Variants in PLD5 observed in about 807,000 individuals in gnomAD.
The protein encoded by PLD5 is inactive phospholipase D5.
PLD5 carries 36 observed loss-of-function variants against 61.1 expected under a neutral mutation model. That is an observed-to-expected ratio of 0.59 (90% CI 0.45 to 0.78). The LOEUF is 0.78. Among genes scored for constraint, PLD5 ranks in the 30% least tolerant of loss-of-function variants. The pLI, the probability that PLD5 is intolerant of heterozygous loss-of-function variation, is 0.00. For missense variants in PLD5, 515 were observed against 644.4 expected, an observed-to-expected ratio of 0.80 and a Z score of 2.17; for synonymous variants, 243 against 242.8, an observed-to-expected ratio of 1.00 and a Z score of -0.01.
At chr1:242,400,234 C>T (rs189366060) in intron 1 of PLD5, among the ~76,000 whole-genome samples, 74 of 150,814 alleles carry the variant, frequency 4.9e-4, no homozygotes, top group African/African-American at 1.6e-3. Flanking sequence ...ACAGTTTCAT[C>T]CCCAAACCAT....
intron 1 of PLD5, among the ~76,000 whole-genome samples, chr1:242,419,572 A>ATTTTT (rs767869905): frequency 0.12 from 11,289 of 96,974 alleles, 1,224 homozygotes; most frequent in African/African-American, 0.22. Flanking sequence ...AATTTTTTGC[A>ATTTTT]TTTTTTTTTT....
At chr1:242,397,046 T>C (rs1282076277) in intron 1 of PLD5, among the ~76,000 whole-genome samples, 1 of 152,146 alleles carries the variant, frequency 6.6e-6, no homozygotes, top group African/African-American at 2.4e-5. Flanking sequence ...CTCTTTTATA[T>C]AGCTACATGT....
At chr1:242,153,739 T>C (rs1306945312) in intron 5 of PLD5, among the ~76,000 whole-genome samples, 6 of 152,174 alleles carry the variant, frequency 3.9e-5, no homozygotes, top group Non-Finnish European at 7.4e-5. Context: ...AGTACCATGC[T>C]GTTTTGGTTA....
rs1016964113 is a variant in PLD5 at position 242,295,107 on chromosome 1, G to GT, written c.327-6578dup. ...TTCACACTCAAAGTCAAGTGATGGG[G>GT]TTTTTTTACCCTTACTGTGGTCATA... On this transcript the variant is annotated intron_variant, in intron 2 of 9. Transcript: ENST00000536534. 8.6e-4 allele frequency among the ~76,000 whole-genome samples: 130 copies of GT among 151,528 alleles called. 2 individuals carry two copies. Among genetic ancestry groups the GT allele is most frequent in the African/African-American group, 3.0e-3 (123 of 41,322 alleles).
intron 2 of PLD5, among the ~76,000 whole-genome samples, chr1:242,302,580 A>G (rs1676122062): frequency 6.6e-6 from 1 of 152,166 alleles, no homozygotes; most frequent in African/African-American, 2.4e-5. Context: ...TTAGCCAGGT[A>G]TGGTAGCATG....
rs577629667 is a variant in PLD5, at chr1:242,215,130, T to C, written c.735+4858A>G. Among the ~76,000 whole-genome samples, 102 of 150,840 alleles carry C rather than the reference T, an allele frequency of 6.8e-4. 1 individual carries two copies. The highest frequency in any genetic ancestry group is 1.4e-3 in the Admixed American group (21 of 14,526). Reference sequence around the variant, plus strand: ...GTCTTGATCTCCTGACCTTGTGATCTGCCCACCTCAGCCTCCCAAAGTGCT... The same window carrying C: ...GTCTTGATCTCCTGACCTTGTGATCCGCCCACCTCAGCCTCCCAAAGTGCT... On this transcript the variant is annotated intron_variant, in intron 5 of 9. Transcript: ENST00000536534.
At chr1:242,263,464 C>T (rs949265288) in intron 4 of PLD5, among the ~76,000 whole-genome samples, 28 of 150,528 alleles carry the variant, frequency 1.9e-4, no homozygotes, top group Non-Finnish European at 2.4e-4. Context: ...TATATGTCTA[C>T]CAAAGGATGA....
At chr1:242,385,521 G>C (rs1662547676) in intron 1 of PLD5, among the ~76,000 whole-genome samples, 1 of 152,120 alleles carries the variant, frequency 6.6e-6, no homozygotes, top group Admixed American at 6.6e-5. Flanking sequence ...CCCAGAGCTT[G>C]GGGCCTTCGC....
chr1:242,295,618 C>T (rs1417059385), intron 2 of PLD5, among the ~76,000 whole-genome samples: 5 of 152,034 alleles, frequency 3.3e-5, no homozygotes, highest in Admixed American at 6.6e-5. Context: ...TGCAAGTGTC[C>T]GTTTGATAAA....
chr1:242,465,206 C>A (rs544511636), intron 1 of PLD5, among the ~76,000 whole-genome samples: 1 of 152,266 alleles, frequency 6.6e-6, no homozygotes, highest in Non-Finnish European at 1.5e-5. Flanking sequence ...CACTGATACT[C>A]CAAATTTAAT....
At chr1:242,462,452 G>A (rs1045544664) in intron 1 of PLD5, among the ~76,000 whole-genome samples, 1 of 152,032 alleles carries the variant, frequency 6.6e-6, no homozygotes, top group Admixed American at 6.6e-5. Flanking sequence ...GGGAACAAGA[G>A]CCACTGGGGA....
chr1:242,410,036 A>G (rs1664462010), intron 1 of PLD5, among the ~76,000 whole-genome samples: 1 of 152,134 alleles, frequency 6.6e-6, no homozygotes, highest in African/African-American at 2.4e-5. Context: ...TTTCCCCTCT[A>G]GCTGCCTAAA....
intron 1 of PLD5, among the ~76,000 whole-genome samples, chr1:242,487,140 A>G (rs1369529975): frequency 6.6e-6 from 1 of 152,170 alleles, no homozygotes; most frequent in Non-Finnish European, 1.5e-5. Context: ...GCAGCACACC[A>G]ACATGGCACA....
chr1:242,121,281 C>A (rs1240634583), intron 6 of PLD5, among the ~76,000 whole-genome samples: 2 of 152,060 alleles, frequency 1.3e-5, no homozygotes, highest in African/African-American at 2.4e-5. Context: ...AGTAGGTGAT[C>A]TTCAGAGTCT....
At chr1:242,442,383 G>A (rs181601773) in intron 1 of PLD5, among the ~76,000 whole-genome samples, 7 of 152,268 alleles carry the variant, frequency 4.6e-5, no homozygotes, top group Admixed American at 6.5e-5. Context: ...TTCCATCTAC[G>A]TGCAGCATCC....
rs146469225 is a variant in PLD5 at position 242,218,653 on chromosome 1, T to C, written c.735+1335A>G. Among the ~76,000 whole-genome samples the C allele has an allele frequency of 6.4e-3, 981 of 152,340 alleles. 8 individuals are homozygous for C. Among genetic ancestry groups the C allele is most frequent in the African/African-American group, 0.023 (938 of 41,572 alleles). ...AGAAAAGGGTGACAGAGAAAATCTG[T>C]AACTTAGCACCCCAGAAAGATAAAG... is the stretch of plus-strand genomic sequence containing the variant. On this transcript the variant is annotated intron_variant, in intron 5 of 9. Coordinates refer to ENST00000536534, the MANE Select transcript of PLD5 (RefSeq NM_001372062.1).
At chr1:242,477,800 AT>A (rs1667644830) in intron 1 of PLD5, among the ~76,000 whole-genome samples, 1 of 152,196 alleles carries the variant, frequency 6.6e-6, no homozygotes, top group South Asian at 2.1e-4. Flanking sequence ...AACATTTAAG[AT>A]TAGCCTGGAG....
At chr1:242,421,997 G>A (rs12130701) in intron 1 of PLD5, among the ~76,000 whole-genome samples, 36,319 of 151,948 alleles carry the variant, frequency 0.24, 4,505 homozygotes, top group Middle Eastern at 0.33. Flanking sequence ...AAGAGAAGGA[G>A]CGTGACTGAT....
At chr1:242,260,075 G>A (rs1232423575) in intron 4 of PLD5, among the ~76,000 whole-genome samples, 1 of 152,140 alleles carries the variant, frequency 6.6e-6, no homozygotes, top group African/African-American at 2.4e-5. Flanking sequence ...TTGGCCAGGT[G>A]GGGTGGCTCA....
Sources: allele counts gnomAD v4.1 joint callset (sites outside exome capture counted in the v4.1 genomes callset), GRCh38; gene constraint gnomAD v4.1.1; transcripts MANE v1.5; gene names NCBI Gene and HGNC (gene_info 2026-07-23, HGNC 2026-07-21).